Variants in PDE4B observed in about 807,000 individuals in gnomAD.
PDE4B encodes the protein 3',5'-cyclic-AMP phosphodiesterase 4B.
A neutral mutation model predicts 82.2 loss-of-function variants in PDE4B; 20 were observed. The ratio of observed to expected loss-of-function variants is 0.24; its 90% CI spans 0.17 to 0.35. The LOEUF is 0.35. PDE4B is among the 10% of genes least tolerant of loss of function. PDE4B has a pLI of 1.00. For missense variants in PDE4B, 655 were observed against 907.2 expected, an observed-to-expected ratio of 0.72 and a Z score of 3.57; for synonymous variants, 320 against 318.9, an observed-to-expected ratio of 1.00 and a Z score of -0.04.
intron 3 of PDE4B, among the ~76,000 whole-genome samples, chr1:66,169,127 C>T (rs1179825440): frequency 6.6e-6 from 1 of 152,212 alleles, no homozygotes; most frequent in Admixed American, 6.5e-5. Flanking sequence ...ACATTTTACT[C>T]AGAAATCCAG....
chr1:66,209,002 G>A (rs1480143493), intron 3 of PDE4B, among the ~76,000 whole-genome samples: 1 of 152,120 alleles, frequency 6.6e-6, no homozygotes, highest in Admixed American at 6.5e-5. Context: ...TTCTAATACT[G>A]TACAGCTTCA....
chr1:65,832,770 G>A (rs1646096983), intron 1 of PDE4B, among the ~76,000 whole-genome samples: 1 of 152,162 alleles, frequency 6.6e-6, no homozygotes, highest in South Asian at 2.1e-4. Context: ...TTTTCAATAG[G>A]AAATAAAGAG....
intron 7 of PDE4B, among the ~76,000 whole-genome samples, chr1:66,281,886 A>G (rs1206390288): frequency 6.6e-6 from 1 of 152,176 alleles, no homozygotes. Flanking sequence ...AAAGACACTC[A>G]CTCAGCTTGT....
chr1:65,856,782 T>C (rs1160519394), intron 1 of PDE4B, among the ~76,000 whole-genome samples: 2 of 152,192 alleles, frequency 1.3e-5, no homozygotes, highest in Admixed American at 6.5e-5. Flanking sequence ...TTGAACTAAC[T>C]TACATTCCAA....
chr1:65,981,507 G>A (rs1234767472), intron 3 of PDE4B, among the ~76,000 whole-genome samples: 1 of 148,364 alleles, frequency 6.7e-6, no homozygotes, highest in African/African-American at 2.5e-5. Context: ...ACAGTGTGTT[G>A]TATTTATGTG....
rs994695786 is a variant in PDE4B, at chr1:66,281,734, C to A, written c.634+15647C>A. ...GGAGGTGTTATCACAATATCAAACC[C>A]CTGCTAAGTATCAGATTTTCTATTA... On this transcript the variant is annotated intron_variant, in intron 7 of 16. Transcript: ENST00000341517. Among the ~76,000 whole-genome samples, 13 of 152,176 alleles carry A rather than the reference C, an allele frequency of 8.5e-5. No homozygotes were observed. The East Asian group carries it at 1.9e-3, about 23-fold the overall frequency.
At chr1:66,218,663 C>T (rs1435576353) in intron 3 of PDE4B, among the ~76,000 whole-genome samples, 2 of 152,134 alleles carry the variant, frequency 1.3e-5, no homozygotes, top group African/African-American at 2.4e-5. Context: ...ACCTCTTTCC[C>T]ACCCTTCAGA....
chr1:65,894,874 G>A (rs1646892091), intron 1 of PDE4B, among the ~76,000 whole-genome samples: 1 of 152,038 alleles, frequency 6.6e-6, no homozygotes, highest in African/African-American at 2.4e-5. Context: ...CAAAAAACCT[G>A]GTAATAGTAA....
At chr1:66,025,324 C>T (rs1366145288) in intron 3 of PDE4B, among the ~76,000 whole-genome samples, 2 of 152,036 alleles carry the variant, frequency 1.3e-5, no homozygotes, top group African/African-American at 4.8e-5. Flanking sequence ...TATAAAAGTA[C>T]TATAGAAGTA....
chr1:66,151,313 A>G (rs1263024488), intron 3 of PDE4B, among the ~76,000 whole-genome samples: 1 of 152,178 alleles, frequency 6.6e-6, no homozygotes, highest in African/African-American at 2.4e-5. Flanking sequence ...TTAAAATTTA[A>G]TCTCATTAGT....
At chr1:66,117,971 T>C (rs1263509655) in intron 3 of PDE4B, among the ~76,000 whole-genome samples, 2 of 152,210 alleles carry the variant, frequency 1.3e-5, no homozygotes, top group Non-Finnish European at 2.9e-5. Context: ...CTCTAGCACC[T>C]GTGGTTTCCT....
chr1:66,208,214 T>G (rs886306766), intron 3 of PDE4B, among the ~76,000 whole-genome samples: 2 of 152,202 alleles, frequency 1.3e-5, no homozygotes, highest in Non-Finnish European at 2.9e-5. Flanking sequence ...TAATTGTACC[T>G]TCTTGGAGCC....
At chr1:65,805,288 A>G (rs979549153) in intron 1 of PDE4B, among the ~76,000 whole-genome samples, 2 of 152,146 alleles carry the variant, frequency 1.3e-5, no homozygotes, top group Non-Finnish European at 2.9e-5. Flanking sequence ...TTTTCAGTAC[A>G]TGGATTTCAA....
At chr1:65,860,475 T>G (rs1646441883) in intron 1 of PDE4B, among the ~76,000 whole-genome samples, 1 of 152,236 alleles carries the variant, frequency 6.6e-6, no homozygotes, top group Non-Finnish European at 1.5e-5. Flanking sequence ...GTTCGAAGTC[T>G]TTGCTATTGT....
At chr1:65,950,491 G>A (rs1434018880) in intron 3 of PDE4B, among the ~76,000 whole-genome samples, 1 of 152,050 alleles carries the variant, frequency 6.6e-6, no homozygotes, top group African/African-American at 2.4e-5. Context: ...CACTTATTGG[G>A]GATGTGCTCA....
intron 1 of PDE4B, among the ~76,000 whole-genome samples, chr1:65,889,420 C>G (rs192698424): frequency 5.9e-5 from 9 of 151,820 alleles, no homozygotes; most frequent in African/African-American, 2.2e-4. Flanking sequence ...TTTTGTCTAG[C>G]CTTATAGAAT....
intron 3 of PDE4B, among the ~76,000 whole-genome samples, chr1:66,208,315 G>C (rs1315126992): frequency 3.3e-5 from 5 of 152,122 alleles, no homozygotes; most frequent in Non-Finnish European, 7.4e-5. Context: ...GATAACAACT[G>C]TTGAGTGCGT....
intron 1 of PDE4B, among the ~76,000 whole-genome samples, chr1:65,839,429 A>T (rs1646181919): frequency 1.3e-5 from 2 of 151,282 alleles, no homozygotes; most frequent in Admixed American, 6.6e-5. Flanking sequence ...TGCCCTCCAC[A>T]CCCTGACAGG....
intron 1 of PDE4B, among the ~76,000 whole-genome samples, chr1:65,817,095 C>T (rs1453874122): frequency 3.9e-5 from 6 of 152,080 alleles, no homozygotes; most frequent in Admixed American, 3.9e-4. Context: ...CTGCCTGCCA[C>T]ACAGGAGGCA....
Sources: gnomAD v4.1 joint callset for allele counts (sites outside exome capture counted in the v4.1 genomes callset) on GRCh38, gnomAD v4.1.1 for gene constraint, MANE v1.5 for transcripts, NCBI Gene and HGNC (gene_info 2026-07-23, HGNC 2026-07-21) for gene names.